Variants in LRRTM4 observed in about 807,000 individuals in gnomAD.
LRRTM4 encodes the protein leucine rich repeat transmembrane neuronal 4.
In LRRTM4, 25 loss-of-function variants were observed where a neutral mutation model predicts 47.6. The observed-to-expected ratio is 0.53, with a 90% CI of 0.38 to 0.73. The LOEUF (loss-of-function observed/expected upper bound fraction) is 0.73. LRRTM4 is among the 30% of genes least tolerant of loss of function. The probability of loss-of-function intolerance (pLI) is 0.00; values close to 1 mark genes in which losing one functional copy is unlikely to be tolerated. For synonymous variants in LRRTM4, 311 were observed against 269.5 expected (o/e 1.15, Z -1.51); for missense variants, 638 against 713.4 (o/e 0.89, Z 1.20).
chr2:76,930,465 G>A (rs187634923), intron 3 of LRRTM4, among the ~76,000 whole-genome samples: 4 of 152,070 alleles, frequency 2.6e-5, no homozygotes, highest in East Asian at 1.9e-4. Flanking sequence ...CTCTTTTGAT[G>A]TAAGTACAAT....
At chr2:77,434,560 A>G (rs1675517098) in intron 3 of LRRTM4, among the ~76,000 whole-genome samples, 1 of 152,186 alleles carries the variant, frequency 6.6e-6, no homozygotes, top group African/African-American at 2.4e-5. Context: ...CAAAAAAGTT[A>G]CATATTTTAC....
In LRRTM4 at chr2:77,285,835, T is replaced by C. The variant is rs148444812; in HGVS notation, c.1551+232483A>G. Among the ~76,000 whole-genome samples, 323 of 152,228 alleles carry C rather than the reference T, an allele frequency of 2.1e-3. 2 individuals are homozygous for C. Among genetic ancestry groups the C allele is most frequent in the African/African-American group, 7.4e-3 (306 of 41,562 alleles). On this transcript the variant is annotated intron_variant, in intron 3 of 3. Coordinates refer to ENST00000409884, the MANE Select transcript of LRRTM4 (RefSeq NM_001134745.3). ...TTCTATACCTTCCAAATTTTACCAT[T>C]ATGATATATCTCTATCTTCACAATG...
intron 3 of LRRTM4, among the ~76,000 whole-genome samples, chr2:76,827,729 C>A (rs556524263): frequency 6.8e-4 from 104 of 151,918 alleles, no homozygotes; most frequent in Middle Eastern, 3.4e-3. Flanking sequence ...ATTACAAATA[C>A]ATTGCTTTAG....
At chr2:76,795,492 A>C (rs909660187) in intron 3 of LRRTM4, among the ~76,000 whole-genome samples, 2 of 152,160 alleles carry the variant, frequency 1.3e-5, no homozygotes, top group African/African-American at 4.8e-5. Flanking sequence ...AGGTGTTAAT[A>C]ATCTGGTGAG....
At chr2:77,477,158 G>A (rs1283934730) in intron 3 of LRRTM4, among the ~76,000 whole-genome samples, 1 of 152,084 alleles carries the variant, frequency 6.6e-6, no homozygotes, top group African/African-American at 2.4e-5. Flanking sequence ...GCATTCATTA[G>A]CATCATGAAG....
At chr2:76,772,971 A>T (rs1157981662) in intron 3 of LRRTM4, 1 of 152,186 alleles carries the variant, frequency 6.6e-6, no homozygotes, top group Non-Finnish European at 1.5e-5. Context: ...TAAGCAGGGT[A>T]GGGCCTGTTT....
chr2:77,451,115 A>T (rs1676238393), intron 3 of LRRTM4, among the ~76,000 whole-genome samples: 1 of 152,072 alleles, frequency 6.6e-6, no homozygotes. Context: ...AGTCAGGCCT[A>T]ATTCATTGTG....
chr2:77,100,846 CTTTTTT>C (rs752749316), intron 3 of LRRTM4, among the ~76,000 whole-genome samples: 1 of 122,970 alleles, frequency 8.1e-6, no homozygotes, highest in Admixed American at 8.5e-5. Context: ...AGCTCTGATT[CTTTTTT>C]TTTTTTTTTT....
intron 3 of LRRTM4, among the ~76,000 whole-genome samples, chr2:77,339,927 T>G (rs767553437): frequency 1.3e-4 from 20 of 151,952 alleles, no homozygotes; most frequent in Admixed American, 7.2e-4. Context: ...TGACGCACGT[T>G]GACAACTGAG....
intron 3 of LRRTM4, among the ~76,000 whole-genome samples, chr2:77,256,590 C>T (rs1367633369): frequency 6.6e-6 from 1 of 152,136 alleles, no homozygotes; most frequent in Non-Finnish European, 1.5e-5. Context: ...TTGCCCTACA[C>T]AAGCTCTCAA....
chr2:77,178,502 C>T (rs1367111748), intron 3 of LRRTM4, among the ~76,000 whole-genome samples: 1 of 152,020 alleles, frequency 6.6e-6, no homozygotes, highest in East Asian at 1.9e-4. Context: ...AGGAGAATCG[C>T]TTGAACGCAG....
chr2:76,864,005 G>A (rs142194862), intron 3 of LRRTM4, among the ~76,000 whole-genome samples: 71 of 152,134 alleles, frequency 4.7e-4, no homozygotes, highest in African/African-American at 1.6e-3. Context: ...TTTTAACAGA[G>A]GAAAATCAAA....
At chr2:77,052,316 C>G (rs567634076) in intron 3 of LRRTM4, among the ~76,000 whole-genome samples, 1 of 151,714 alleles carries the variant, frequency 6.6e-6, no homozygotes, top group Non-Finnish European at 1.5e-5. Flanking sequence ...TTACAGGCAT[C>G]TGCCACCACG....
chr2:77,090,709 T>C (rs371903714), intron 3 of LRRTM4, among the ~76,000 whole-genome samples: 1 of 152,114 alleles, frequency 6.6e-6, no homozygotes, highest in African/African-American at 2.4e-5. Context: ...GGATTCCTCC[T>C]AAGTCATGTC....
intron 3 of LRRTM4, among the ~76,000 whole-genome samples, chr2:77,428,707 C>T (rs1675227165): frequency 1.3e-5 from 2 of 152,184 alleles, no homozygotes; most frequent in Admixed American, 1.3e-4. Context: ...ACAGATAAGG[C>T]CATTCATTAA....
chr2:77,357,474 T>C (rs1672010842), intron 3 of LRRTM4, among the ~76,000 whole-genome samples: 2 of 152,192 alleles, frequency 1.3e-5, no homozygotes, highest in African/African-American at 2.4e-5. Context: ...CTGGTCCTCC[T>C]GAATACTAAT....
intron 3 of LRRTM4, among the ~76,000 whole-genome samples, chr2:76,812,675 C>CTTTCTTTCTTTCTTTCTTTCTTTCT (rs1558670598): frequency 1.7e-5 from 2 of 116,868 alleles, no homozygotes; most frequent in Non-Finnish European, 3.4e-5. Context: ...CAAATAAGCT[C>CTTTCTTTCTTTCTTTCTTTCTTTCT]TTTCTTTCTT....
At chr2:77,137,245 A>C (rs1396185164) in intron 3 of LRRTM4, among the ~76,000 whole-genome samples, 1 of 151,924 alleles carries the variant, frequency 6.6e-6, no homozygotes, top group East Asian at 1.9e-4. Context: ...GTTATCCACA[A>C]ACAGAAGCCC....
intron 3 of LRRTM4, among the ~76,000 whole-genome samples, chr2:77,219,752 C>T (rs2103944234): frequency 6.6e-6 from 1 of 152,246 alleles, no homozygotes; most frequent in South Asian, 2.1e-4. Flanking sequence ...ACTTTGGTGG[C>T]AATAACAGCT....
Sources: allele counts gnomAD v4.1 joint callset (sites outside exome capture counted in the v4.1 genomes callset), GRCh38; gene constraint gnomAD v4.1.1; transcripts MANE v1.5; gene names NCBI Gene and HGNC (gene_info 2026-07-23, HGNC 2026-07-21).